C9orf43: variants seen among roughly 807,000 people sequenced by gnomAD.
C9orf43 encodes the protein uncharacterized protein C9orf43.
A neutral mutation model predicts 59.1 loss-of-function variants in C9orf43; 45 were observed. That is an observed-to-expected ratio of 0.76 (90% confidence interval 0.60 to 0.98). C9orf43 has a LOEUF of 0.98. C9orf43 is among the 50% of genes least tolerant of loss of function. The pLI is 0.00. For synonymous variants in C9orf43, 203 were observed against 196.8 expected (o/e 1.03, Z -0.26); for missense variants, 533 against 554.9 (o/e 0.96, Z 0.40).
chr9:113,423,279 G>A (rs1221512678), intron 6 of C9orf43, 47 bp from the exon 7 acceptor site: 2 of 1,586,164 alleles, frequency 1.3e-6, no homozygotes, highest in South Asian at 1.1e-5. Context: ...AAAGGACTAG[G>A]CTAAAAAGAA....
In C9orf43 at chr9:113,421,214, T is replaced by C. The variant is rs1200328165; in HGVS notation, c.446+11T>C. On this transcript the variant is annotated intron_variant, in intron 5 of 13. Coordinates refer to ENST00000374165, the MANE Select transcript of C9orf43 (RefSeq NM_001278629.2). ...AGAGATACATGTGAGGTGAGTATCA[T>C]ATCTGGAACTCAGAGGACTTTGACT... 6.4e-7 allele frequency: 1 copy of C among 1,566,158 alleles called. No individual in the cohort carries two copies. The highest frequency in any genetic ancestry group is 1.4e-5 in the African/African-American group (1 of 73,856).
At position 113,424,177 on chromosome 9, in the gene C9orf43, G is replaced by A; in HGVS notation, c.668G>A (p.Gly223Asp). ...TCTGTCCCCTTCAGACTTTTGCCAG[G>A]TGGAAAGCAAACCATGCTCTGTCCA... ...PQDLLKELLP[G>D]GKQTMLCPEM... is the part of the protein sequence containing the mutation. Residue 223 changes from glycine to aspartate, a missense_variant, in exon 8 of 14, where the codon GGT (glycine) becomes GAT (aspartate). Physicochemically the swap from Gly to Asp is moderately conservative, Grantham distance 94 (BLOSUM62 -1). Coordinates refer to ENST00000374165, the MANE Select transcript of C9orf43 (RefSeq NM_001278629.2). The A allele has an allele frequency of 1.2e-6, 2 of 1,608,020 alleles. No individual in the cohort carries two copies. The highest frequency in any genetic ancestry group is 1.7e-6 in the Non-Finnish European group (2 of 1,177,568).
At position 113,425,354 on chromosome 9, in the gene C9orf43, A is replaced by ACAGCAGCAGCGG; in HGVS notation, c.887_898dup (p.Arg296_Gln299dup). 1.2e-6 allele frequency: 2 copies of ACAGCAGCAGCGG among 1,613,788 alleles called. No homozygotes were observed. Among genetic ancestry groups the ACAGCAGCAGCGG allele is most frequent in the Non-Finnish European group, 1.7e-6 (2 of 1,179,904 alleles). ...CTCTCTGGTCACCAGGTTACAGGAA[A>ACAGCAGCAGCGG]CAGCAGCAGCGGCAGCAGCAGCAGC... On this transcript the variant is annotated inframe_insertion, in exon 10 of 14. Coordinates refer to ENST00000374165, the MANE Select transcript of C9orf43 (RefSeq NM_001278629.2).
At chr9:113,417,036 T>C (rs1223692474) in intron 3 of C9orf43, among the ~76,000 whole-genome samples, 1 of 152,216 alleles carries the variant, frequency 6.6e-6, no homozygotes, top group Admixed American at 6.5e-5. Flanking sequence ...CCAAGCATCA[T>C]TTTTCTTCAG....
chr9:113,420,675 T>C, intron 4 of C9orf43: 1 of 714,194 alleles, frequency 1.4e-6, no homozygotes, highest in Non-Finnish European at 1.7e-6. Flanking sequence ...CCTATAATTG[T>C]AGTCAGACTG....
chr9:113,426,887 T>C (rs907251397), intron 11 of C9orf43, among the ~76,000 whole-genome samples: 1 of 152,230 alleles, frequency 6.6e-6, no homozygotes, highest in African/African-American at 2.4e-5. Flanking sequence ...ATGGAAGAGA[T>C]GATTTTTGCA....
Position 113,425,418 on chromosome 9 carries a change from CAGGT to C in C9orf43, c.942+1_942+4del. 6.2e-7 allele frequency: 1 copy of C among 1,613,354 alleles called. No homozygotes were observed. The highest frequency in any genetic ancestry group is 2.2e-5 in the East Asian group (1 of 44,872). ...GAAGGTGAAAACACCTATTAAGAAACAGGTAGAGTGGCAGTGAGGGGCTTGCTGG... is the reference window on the plus strand; with the variant it reads ...GAAGGTGAAAACACCTATTAAGAAACAGAGTGGCAGTGAGGGGCTTGCTGG... On this transcript the variant is annotated splice_donor_variant and coding_sequence_variant, in exon 10 of 14. Transcript: ENST00000374165. LOFTEE classifies it high-confidence loss of function.
chr9:113,417,287 A>G (rs541639616), intron 3 of C9orf43, among the ~76,000 whole-genome samples: 24 of 152,242 alleles, frequency 1.6e-4, no homozygotes, highest in Admixed American at 5.2e-4. Context: ...CTCTCTTCCA[A>G]ACTACCCCCA....
At chr9:113,421,634 CAAAG>C (rs1828577770) in intron 5 of C9orf43, among the ~76,000 whole-genome samples, 1 of 152,076 alleles carries the variant, frequency 6.6e-6, no homozygotes, top group Non-Finnish European at 1.5e-5. Context: ...AAGAGTGTGA[CAAAG>C]ACCATTTGGT....
intron 3 of C9orf43, among the ~76,000 whole-genome samples, chr9:113,418,316 A>G (rs1828448673): frequency 6.6e-6 from 1 of 152,218 alleles, no homozygotes. Flanking sequence ...GTGGAATTAC[A>G]CAACATTTGT....
Position 113,413,818 on chromosome 9 carries a change from TTACCAGAATG to T in C9orf43, c.216_225del (p.Glu73LeufsTer31). 6.2e-7 allele frequency: 1 copy of T among 1,614,168 alleles called. No homozygotes were observed. Among genetic ancestry groups the T allele is most frequent in the Non-Finnish European group, 8.5e-7 (1 of 1,180,018 alleles). On this transcript the variant is annotated frameshift_variant, in exon 3 of 14. Transcript: ENST00000374165. LOFTEE classifies it high-confidence loss of function. ...AGATTCCGGCTTTGCAGCTCATCAT[TTACCAGAATG>T]TACCTTTACTAAGGCCCATTCTTTA...
At position 113,424,308 on chromosome 9, in the gene C9orf43, AC is replaced by A. The variant is rs1335542949; in HGVS notation, c.802del (p.Leu268TrpfsTer12). On this transcript the variant is annotated frameshift_variant, in exon 8 of 14. Transcript: ENST00000374165. LOFTEE classifies it high-confidence loss of function. ...GATGTTTCTATCTATACACCGCCTC[AC>A]CCTGGAAGTAAGAGCTAGGAAACAG... is the stretch of plus-strand genomic sequence containing the variant. ...SKMFLSIHRL[T>X]LERPALRYPE... 6.2e-6 allele frequency: 10 copies of A among 1,606,606 alleles called. No homozygotes were observed. In the African/African-American group the frequency reaches 1.3e-4, roughly 22 times the overall value.
chr9:113,416,166 G>A (rs1470631852), intron 3 of C9orf43, among the ~76,000 whole-genome samples: 1 of 152,222 alleles, frequency 6.6e-6, no homozygotes, highest in Non-Finnish European at 1.5e-5. Context: ...GGTTTTTGCA[G>A]TGGCTTCTGA....
chr9:113,422,722 G>C (rs1255696959), intron 6 of C9orf43, 137 bp downstream of exon 6: 1 of 991,354 alleles, frequency 1.0e-6, no homozygotes, highest in Non-Finnish European at 1.5e-6. Flanking sequence ...CCCTTCTTTA[G>C]GAATAATTAA....
chr9:113,425,255 G>A, intron 9 of C9orf43, 89 bp from the exon 10 acceptor site: 2 of 1,581,884 alleles, frequency 1.3e-6, no homozygotes, highest in Non-Finnish European at 1.7e-6. Flanking sequence ...TTACCAGGGA[G>A]TCACCATTGT....
At chr9:113,428,276 A>G (rs1828863834) in intron 12 of C9orf43, 53 bp downstream of exon 12, 29 of 1,479,910 alleles carry the variant, frequency 2.0e-5, no homozygotes, top group Non-Finnish European at 2.6e-5. Context: ...ATCTATTACT[A>G]TGTAACAACC....
intron 10 of C9orf43, 46 bp downstream of exon 10, chr9:113,425,466 G>GTGAC: frequency 6.3e-7 from 1 of 1,582,032 alleles, no homozygotes; most frequent in Non-Finnish European, 8.6e-7. Flanking sequence ...GAGGTCTACA[G>GTGAC]CCTGGAATGG....
intron 12 of C9orf43, 92 bp downstream of exon 12, chr9:113,428,315 T>A: frequency 8.4e-7 from 1 of 1,189,520 alleles, no homozygotes; most frequent in Non-Finnish European, 1.3e-6. Flanking sequence ...GATTTGCTAT[T>A]GCTAATGATT....
chr9:113,428,092 A>G (rs375541883), intron 11 of C9orf43, 55 bp from the exon 12 acceptor site: 15 of 1,588,466 alleles, frequency 9.4e-6, no homozygotes, highest in East Asian at 2.2e-5. Flanking sequence ...GAAGCCCCCA[A>G]ATAGGGTATG....
Sources: gnomAD v4.1 joint callset for allele counts (sites outside exome capture counted in the v4.1 genomes callset) on GRCh38, gnomAD v4.1.1 for gene constraint, MANE v1.5 for transcripts, NCBI Gene and HGNC (gene_info 2026-07-23, HGNC 2026-07-21) for gene names.